DMD: variants seen among roughly 807,000 people sequenced by gnomAD.
DMD encodes the protein mutant dystrophin.
Under a neutral mutation model 330.1 loss-of-function variants are expected in DMD, and 63 were observed. The ratio of observed to expected loss-of-function variants is 0.19; its 90% CI spans 0.16 to 0.24. DMD has a LOEUF of 0.24. Ranked by LOEUF, DMD falls within the 10% of genes least tolerant of loss-of-function variation. DMD has a pLI of 1.00. For synonymous variants in DMD, 1,223 were observed against 959.8 expected (o/e 1.27, Z -5.07); for missense variants, 3,344 against 2,684.1 (o/e 1.25, Z -5.43).
At chrX:32,030,168 A>C (rs751054625) in intron 44 of DMD, among the ~76,000 whole-genome samples, 1 of 112,360 alleles carries the variant, frequency 8.9e-6, no homozygotes, top group African/African-American at 3.2e-5. Context: ...CAAACACCTG[A>C]CATTAGCTAT....
chrX:31,370,077 C>T (rs375741324), intron 60 of DMD, among the ~76,000 whole-genome samples: 42 of 86,080 alleles, frequency 4.9e-4, no homozygotes, highest in African/African-American at 1.8e-3. Flanking sequence ...CCAAGCTGGG[C>T]GACAGAGCGA....
At chrX:32,426,023 A>C (rs2098211435) in intron 29 of DMD, among the ~76,000 whole-genome samples, 1 of 111,785 alleles carries the variant, frequency 8.9e-6, no homozygotes, top group South Asian at 3.7e-4. Context: ...AACTTTAAAA[A>C]CCCTGGAGGA....
chrX:32,967,667 C>G (rs1417715277), intron 2 of DMD, among the ~76,000 whole-genome samples: 4 of 111,270 alleles, frequency 3.6e-5, no homozygotes, highest in Non-Finnish European at 5.7e-5. Flanking sequence ...CGGACAGCGT[C>G]CACTAGATTT....
rs2052678684 is a variant in DMD, at chrX:32,573,615, G to A, written c.1727C>T (p.Ser576Leu). ...EEQCLFSAWL[S>L]EKEDAVNKIH... is the part of the protein sequence containing the mutation. ...CTTGTTCACTGCATCTTCTTTTTCTGAAAGCCATGCACTAAAAAGGCACTG... is the reference window on the plus strand; with the variant it reads ...CTTGTTCACTGCATCTTCTTTTTCTAAAAGCCATGCACTAAAAAGGCACTG... The change falls in exon 15 of 79, where the codon TCA becomes TTA. Residue 576 changes from serine (S) to leucine (L), a missense_variant. Coordinates refer to ENST00000357033, the MANE Select transcript of DMD (RefSeq NM_004006.3). 1 of 1,210,196 alleles carries A rather than the reference G, an allele frequency of 8.3e-7. No individual in the cohort carries two copies. Among genetic ancestry groups the A allele is most frequent in the Admixed American group, 2.2e-5 (1 of 45,973 alleles).
intron 2 of DMD, among the ~76,000 whole-genome samples, chrX:32,863,085 G>A (rs976715086): frequency 9.0e-6 from 1 of 110,876 alleles, no homozygotes; most frequent in Non-Finnish European, 1.9e-5. Flanking sequence ...ATTTGCATTT[G>A]AGATAGCCAG....
chrX:31,236,566 T>TA (rs2047738776), intron 63 of DMD, among the ~76,000 whole-genome samples: 1 of 112,353 alleles, frequency 8.9e-6, no homozygotes, highest in Non-Finnish European at 1.9e-5. Flanking sequence ...AGAGGGCTTA[T>TA]ATGGGTAAGG....
chrX:33,177,360 T>C (rs781301730), intron 1 of DMD, among the ~76,000 whole-genome samples: 11 of 111,768 alleles, frequency 9.8e-5, no homozygotes, highest in Non-Finnish European at 2.1e-4. Flanking sequence ...AAAGACAGTA[T>C]ACAAACGGAA....
At chrX:31,516,488 G>T (rs2072218321) in intron 55 of DMD, among the ~76,000 whole-genome samples, 1 of 111,090 alleles carries the variant, frequency 9.0e-6, no homozygotes, top group Non-Finnish European at 1.9e-5. Context: ...ATGTGGCCAC[G>T]CAACACCTTT....
chrX:33,110,618 A>G (rs974483358), intron 1 of DMD, among the ~76,000 whole-genome samples: 1 of 111,767 alleles, frequency 8.9e-6, no homozygotes, highest in Non-Finnish European at 1.9e-5. Context: ...TGTGTTGCTT[A>G]TCTTCATAAA....
intron 48 of DMD, among the ~76,000 whole-genome samples, chrX:31,853,272 T>C (rs1454710579): frequency 8.9e-6 from 1 of 112,789 alleles, no homozygotes; most frequent in African/African-American, 3.2e-5. Context: ...TGGGCCAAAC[T>C]CAAATTCTGC....
intron 43 of DMD, among the ~76,000 whole-genome samples, chrX:32,220,655 TA>T (rs1466749419): frequency 9.0e-6 from 1 of 111,056 alleles, no homozygotes; most frequent in Non-Finnish European, 1.9e-5. Flanking sequence ...AATATATATA[TA>T]TTTTTTCTGG....
intron 48 of DMD, among the ~76,000 whole-genome samples, chrX:31,860,570 T>C (rs1371274602): frequency 8.9e-6 from 1 of 112,296 alleles, no homozygotes; most frequent in African/African-American, 3.2e-5. Flanking sequence ...CTAATACAAC[T>C]GGCAAGTCAA....
At chrX:31,224,872 A>G (rs2046426284) in intron 63 of DMD, among the ~76,000 whole-genome samples, 1 of 112,130 alleles carries the variant, frequency 8.9e-6, no homozygotes, top group African/African-American at 3.2e-5. Flanking sequence ...AAGCTGGGTA[A>G]AAGAAGCCAG....
intron 55 of DMD, among the ~76,000 whole-genome samples, chrX:31,606,660 T>G (rs769809579): frequency 1.2e-4 from 13 of 111,979 alleles, no homozygotes; most frequent in African/African-American, 3.9e-4. Flanking sequence ...GATCTAAGGA[T>G]TTAGCTTTTT....
At chrX:32,494,927 A>G (rs1316448912) in intron 19 of DMD, among the ~76,000 whole-genome samples, 1 of 111,422 alleles carries the variant, frequency 9.0e-6, no homozygotes, top group Non-Finnish European at 1.9e-5. Context: ...CTGAGCTATG[A>G]TTGCATCACT....
chrX:32,076,451 C>G (rs2096351878), intron 44 of DMD, among the ~76,000 whole-genome samples: 1 of 105,680 alleles, frequency 9.5e-6, no homozygotes, highest in Non-Finnish European at 1.9e-5. Flanking sequence ...GTGATCTCAG[C>G]TCACTGCAAG....
chrX:31,388,542 G>C (rs1369600583), intron 60 of DMD, among the ~76,000 whole-genome samples: 1 of 111,504 alleles, frequency 9.0e-6, no homozygotes, highest in Non-Finnish European at 1.9e-5. Context: ...TAATTAAAGC[G>C]AAAAAAGACA....
At chrX:32,450,904 C>G (rs2098327442) in intron 26 of DMD, among the ~76,000 whole-genome samples, 1 of 110,784 alleles carries the variant, frequency 9.0e-6, no homozygotes, top group Non-Finnish European at 1.9e-5. Context: ...GTTCGAAGAA[C>G]AAACAGCAAA....
At chrX:33,220,653 G>A (rs1406325960) in intron 1 of DMD, among the ~76,000 whole-genome samples, 1 of 111,514 alleles carries the variant, frequency 9.0e-6, no homozygotes, top group Non-Finnish European at 1.9e-5. Context: ...TATCACTATT[G>A]CTTGTCATTT....
Sources: allele counts gnomAD v4.1 joint callset (sites outside exome capture counted in the v4.1 genomes callset), GRCh38; gene constraint gnomAD v4.1.1; transcripts MANE v1.5; gene names NCBI Gene and HGNC (gene_info 2026-07-23, HGNC 2026-07-21).